WWOX: variants seen among roughly 807,000 people sequenced by gnomAD.
The protein encoded by WWOX is WW domain-containing oxidoreductase.
WWOX carries 69 observed loss-of-function variants against 46.2 expected under a neutral mutation model. That is an observed-to-expected ratio of 1.49 (90% CI 1.23 to 1.82). The LOEUF is 1.82. WWOX is among the 40% of genes most tolerant of loss of function. The pLI, the probability that WWOX is intolerant of heterozygous loss-of-function variation, is 0.00. For missense variants in WWOX, 919 were observed against 542.6 expected (o/e 1.69, Z -6.89); for synonymous variants, 359 against 202.6 (o/e 1.77, Z -6.56).
intron 8 of WWOX, among the ~76,000 whole-genome samples, chr16:78,866,042 A>G (rs1378713984): frequency 6.6e-6 from 1 of 152,112 alleles, no homozygotes; most frequent in Non-Finnish European, 1.5e-5. Context: ...TGAGTCATAG[A>G]CTCACTGCAT....
chr16:78,700,962 G>C (rs1468594081), intron 8 of WWOX, among the ~76,000 whole-genome samples: 1 of 152,172 alleles, frequency 6.6e-6, no homozygotes, highest in Non-Finnish European at 1.5e-5. Context: ...CTCAGTGGGT[G>C]TTGTAGGGGG....
At chr16:78,812,107 C>T (rs2051204880) in intron 8 of WWOX, among the ~76,000 whole-genome samples, 2 of 152,088 alleles carry the variant, frequency 1.3e-5, no homozygotes, top group Admixed American at 1.3e-4. Context: ...ACCCCAAAGT[C>T]CCCAGCCACC....
chr16:78,366,081 C>A (rs1232411950), intron 5 of WWOX, among the ~76,000 whole-genome samples: 4 of 152,120 alleles, frequency 2.6e-5, no homozygotes, highest in Non-Finnish European at 4.4e-5. Context: ...GTTCTTAGCA[C>A]CCTAAATGCC....
chr16:79,090,283 G>C (rs997501562), intron 8 of WWOX, among the ~76,000 whole-genome samples: 15 of 89,020 alleles, frequency 1.7e-4, no homozygotes, highest in African/African-American at 2.7e-4. Context: ...CTGTGTGCGT[G>C]TGTGTGTGTG....
At chr16:78,306,453 T>C (rs1359261004) in intron 5 of WWOX, among the ~76,000 whole-genome samples, 2 of 152,190 alleles carry the variant, frequency 1.3e-5, no homozygotes, top group African/African-American at 4.8e-5. Context: ...CCCAGAGTTG[T>C]ATGAGAGTTC....
intron 8 of WWOX, among the ~76,000 whole-genome samples, chr16:78,858,891 C>G (rs1385594733): frequency 6.7e-6 from 1 of 150,040 alleles, no homozygotes; most frequent in Non-Finnish European, 1.5e-5. Context: ...GTTGCCCAGG[C>G]TGGTCTTGAA....
At chr16:78,377,926 G>A (rs1454637617) in intron 5 of WWOX, among the ~76,000 whole-genome samples, 1 of 152,028 alleles carries the variant, frequency 6.6e-6, no homozygotes, top group East Asian at 1.9e-4. Flanking sequence ...CAAAAATTTT[G>A]GCCTGTATGT....
chr16:79,076,359 T>C lies in WWOX; in HGVS notation c.1057-135249T>C, dbSNP rs987391927. Reference sequence around the variant, plus strand: ...TTGGAAACCCTGAAATGTAGCCTTTTCATCTTAATTCACAAAGTGTTCATT... The same window carrying C: ...TTGGAAACCCTGAAATGTAGCCTTTCCATCTTAATTCACAAAGTGTTCATT... On this transcript the variant is annotated intron_variant, in intron 8 of 8. Transcript: ENST00000566780. Among the ~76,000 whole-genome samples, 5 of 152,250 alleles carry C rather than the reference T, an allele frequency of 3.3e-5. No homozygotes were observed. The East Asian group carries it at 5.8e-4, about 18-fold the overall frequency.
At chr16:78,575,006 T>C (rs1463776559) in intron 8 of WWOX, among the ~76,000 whole-genome samples, 1 of 13,906 alleles carries the variant, frequency 7.2e-5, no homozygotes, top group Non-Finnish European at 1.1e-4. Flanking sequence ...CAATTATATA[T>C]ATATATATAT....
chr16:79,048,894 C>T (rs2048114645), intron 8 of WWOX, among the ~76,000 whole-genome samples: 1 of 152,110 alleles, frequency 6.6e-6, no homozygotes, highest in African/African-American at 2.4e-5. Flanking sequence ...CCCAGAGTGA[C>T]CTCCAGAACT....
At chr16:78,692,077 C>G (rs997890014) in intron 8 of WWOX, among the ~76,000 whole-genome samples, 4 of 152,196 alleles carry the variant, frequency 2.6e-5, no homozygotes, top group African/African-American at 4.8e-5. Context: ...CCATGTGGAA[C>G]TGTAAGTCCA....
At chr16:78,101,653 C>T (rs572581910) in intron 1 of WWOX, among the ~76,000 whole-genome samples, 4 of 152,240 alleles carry the variant, frequency 2.6e-5, no homozygotes, top group Admixed American at 6.5e-5. Context: ...TGGCCCCTCC[C>T]CTCTCCCTTG....
intron 8 of WWOX, chr16:79,090,208 G>A (rs2048929760): frequency 6.6e-6 from 1 of 151,776 alleles, no homozygotes; most frequent in Non-Finnish European, 1.5e-5. Context: ...TGACTTGGTG[G>A]GTCTGAGTGG....
intron 8 of WWOX, among the ~76,000 whole-genome samples, chr16:79,136,083 G>C (rs189011809): frequency 7.9e-5 from 12 of 152,084 alleles, no homozygotes; most frequent in Non-Finnish European, 1.6e-4. Flanking sequence ...CAGTGAATTT[G>C]GCAGAATACC....
chr16:78,436,383 G>C (rs1275184095), intron 8 of WWOX, among the ~76,000 whole-genome samples: 1 of 152,206 alleles, frequency 6.6e-6, no homozygotes, highest in African/African-American at 2.4e-5. Context: ...AAGCCGTAGG[G>C]TGTGGACTTT....
intron 5 of WWOX, among the ~76,000 whole-genome samples, chr16:78,361,902 G>C (rs971522591): frequency 1.3e-5 from 2 of 151,392 alleles, no homozygotes; most frequent in Non-Finnish European, 2.9e-5. Context: ...GTGAGCTACA[G>C]CGCCTGGCCC....
chr16:78,903,099 C>A (rs971333118), intron 8 of WWOX, among the ~76,000 whole-genome samples: 1 of 152,180 alleles, frequency 6.6e-6, no homozygotes, highest in Non-Finnish European at 1.5e-5. Context: ...AACTACACTC[C>A]ATAGAGTGGG....
chr16:79,166,321 A>G (rs1237524631), intron 8 of WWOX, among the ~76,000 whole-genome samples: 1 of 152,222 alleles, frequency 6.6e-6, no homozygotes, highest in East Asian at 1.9e-4. Flanking sequence ...TCTCTGACAC[A>G]GGAGGATGGA....
intron 8 of WWOX, among the ~76,000 whole-genome samples, chr16:78,744,925 G>A (rs1047591440): frequency 1.3e-5 from 2 of 152,140 alleles, no homozygotes; most frequent in Non-Finnish European, 2.9e-5. Flanking sequence ...TTCCTCCTAT[G>A]TCAGGTCTTA....
Sources: gnomAD v4.1 joint callset for allele counts (sites outside exome capture counted in the v4.1 genomes callset) on GRCh38, gnomAD v4.1.1 for gene constraint, MANE v1.5 for transcripts, NCBI Gene and HGNC (gene_info 2026-07-23, HGNC 2026-07-21) for gene names.